The following DENND4A variants were observed in gnomAD, a reference collection of about 807,000 sequenced individuals.
DENND4A encodes the protein C-myc promoter-binding protein.
Under a neutral mutation model 199.3 loss-of-function variants are expected in DENND4A, and 70 were observed. The ratio of observed to expected loss-of-function variants is 0.35; its 90% confidence interval spans 0.29 to 0.43. The LOEUF is 0.43. DENND4A is among the 20% of genes least tolerant of loss of function. The probability of loss-of-function intolerance (pLI) is 1.00; values close to 1 mark genes in which losing one functional copy is unlikely to be tolerated. For missense variants in DENND4A, 1,723 were observed against 2,255.8 expected, an observed-to-expected ratio of 0.76 and a Z score of 4.78; for synonymous variants, 686 against 766.9, an observed-to-expected ratio of 0.89 and a Z score of 1.74.
intron 2 of DENND4A, among the ~76,000 whole-genome samples, chr15:65,759,217 G>A (rs540907125): frequency 1.6e-4 from 25 of 152,188 alleles, no homozygotes; most frequent in African/African-American, 6.0e-4. Context: ...GGTGGCTCAC[G>A]CCTGTAATCC....
intron 12 of DENND4A, among the ~76,000 whole-genome samples, chr15:65,719,089 G>A (rs1056643919): frequency 1.3e-5 from 2 of 150,188 alleles, no homozygotes; most frequent in African/African-American, 2.4e-5. Context: ...CACTTTGCAT[G>A]TTATGTGCAC....
At chr15:65,719,195 T>C (rs2075523120) in intron 12 of DENND4A, 1 of 152,282 alleles carries the variant, frequency 6.6e-6, no homozygotes, top group South Asian at 2.1e-4. Context: ...GCAGTGACAT[T>C]CCCTCTTGTA....
intron 27 of DENND4A, 25 bp downstream of exon 27, chr15:65,669,754 T>G (rs1360178849): frequency 1.3e-6 from 2 of 1,570,672 alleles, no homozygotes; most frequent in Non-Finnish European, 1.7e-6. Flanking sequence ...GTTGTTAAAA[T>G]ATAGTTCCAC....
At chr15:65,699,343 T>C (rs2077266614) in intron 20 of DENND4A, among the ~76,000 whole-genome samples, 1 of 152,080 alleles carries the variant, frequency 6.6e-6, no homozygotes, top group Non-Finnish European at 1.5e-5. Flanking sequence ...CTCTTATCTG[T>C]AGTCAAAAGT....
At position 65,691,157 on chromosome 15, in the gene DENND4A, T is replaced by A; in HGVS notation, c.3437A>T (p.Asp1146Val). Residue 1146 changes from aspartate (D) to valine (V), a missense_variant, in exon 23 of 33, where the codon GAT becomes GTT. Physicochemically the swap from Asp to Val is radical, Grantham distance 152. Around this residue, in one of 6 missense-constraint regions of DENND4A, gnomAD observed 650 missense variants for 738.1 expected, o/e 0.88. Transcript: ENST00000443035. ...ATAGTTAGAACCATCAAAAGGTGTA[T>A]CATCATCACTAGATTCCTTTTCTAG... Reference protein sequence around the residue: ...DSLEKESSDDDTPFDGSNYLA... With the variant: ...DSLEKESSDDVTPFDGSNYLA... 6.2e-7 allele frequency: 1 copy of A among 1,613,484 alleles called. No homozygotes were observed. Among genetic ancestry groups the A allele is most frequent in the Non-Finnish European group, 8.5e-7 (1 of 1,179,738 alleles).
chr15:65,791,449 C>G (rs564831891), intron 1 of DENND4A, among the ~76,000 whole-genome samples: 2 of 150,340 alleles, frequency 1.3e-5, no homozygotes, highest in South Asian at 2.2e-4. Context: ...CAGTTCCCTT[C>G]CCCCACCACA....
chr15:65,738,827 G>A lies in DENND4A; in HGVS notation c.680C>T (p.Pro227Leu). ...TAAACAAAATAGAGGAACAGATTCC[G>A]GTAGTGAGAATGACTCATAATCTTC... is the stretch of plus-strand genomic sequence containing the variant. ...PQEDYESFSL[P>L]ESVPLFCLPM... Residue 227 changes from proline (P) to leucine (L), a missense_variant, in exon 6 of 33, where the codon CCG becomes CTG. By Grantham distance (98) the Pro-to-Leu change is moderately conservative. Around this residue, in one of 6 missense-constraint regions of DENND4A, gnomAD observed 725 missense variants for 952.9 expected, o/e 0.76. Coordinates refer to ENST00000443035, the MANE Select transcript of DENND4A (RefSeq NM_001320835.1). 2.5e-6 allele frequency: 4 copies of A among 1,609,694 alleles called. No homozygotes were observed. Among genetic ancestry groups the A allele is most frequent in the South Asian group, 1.1e-5 (1 of 90,212 alleles).
intron 1 of DENND4A, chr15:65,771,947 C>A: frequency 6.3e-7 from 1 of 1,591,242 alleles, no homozygotes; most frequent in Non-Finnish European, 8.6e-7. Flanking sequence ...TTTTTCAAAT[C>A]TTCATCACCA....
At chr15:65,756,615 G>A in intron 2 of DENND4A, 143 bp from the exon 3 acceptor site, 1 of 511,922 alleles carries the variant, frequency 2.0e-6, no homozygotes, top group Non-Finnish European at 3.3e-6. Context: ...TAACTTACAT[G>A]TAAAAAGAAT....
chr15:65,773,667 GA>G (rs1471607701), intron 1 of DENND4A, among the ~76,000 whole-genome samples: 3 of 152,144 alleles, frequency 2.0e-5, no homozygotes, highest in Admixed American at 6.5e-5. Flanking sequence ...AAGTTAGAGG[GA>G]AACATATTTG....
rs781409703 is a variant in DENND4A, at chr15:65,662,001, TAAAG to T, written c.5588-18_5588-15del. The T allele has an allele frequency of 6.3e-7, 1 of 1,595,464 alleles. No homozygotes were observed. The highest frequency in any genetic ancestry group is 8.5e-7 in the Non-Finnish European group (1 of 1,172,180). Reference sequence around the variant, plus strand: ...TATCAAAAGCATCTGCAGAAATTGATAAAGAAATAAAAGAATAAAGAAATTTAGG... The same window carrying T: ...TATCAAAAGCATCTGCAGAAATTGATAAATAAAAGAATAAAGAAATTTAGG... On this transcript the variant is annotated splice_polypyrimidine_tract_variant and intron_variant, in intron 32 of 32. Transcript: ENST00000443035.
chr15:65,674,769 T>C (rs2076323587), intron 24 of DENND4A, among the ~76,000 whole-genome samples: 1 of 151,814 alleles, frequency 6.6e-6, no homozygotes, highest in African/African-American at 2.4e-5. Flanking sequence ...TATGTTACAC[T>C]TAAATAGTTT....
chr15:65,660,252 T>A lies in DENND4A; in HGVS notation c.*1599A>T, dbSNP rs1351359160. ...CCCCAAACTAACTGAAGTTTTACATTTTTAAACTCTCTCCATTATTTCCCA... is the reference window on the plus strand; with the variant it reads ...CCCCAAACTAACTGAAGTTTTACATATTTAAACTCTCTCCATTATTTCCCA... On this transcript the variant is annotated 3_prime_UTR_variant, in exon 33 of 33. Coordinates refer to ENST00000443035, the MANE Select transcript of DENND4A (RefSeq NM_001320835.1). The A allele has an allele frequency of 1.3e-6, 2 of 1,529,766 alleles. No individual in the cohort carries two copies. Among genetic ancestry groups the A allele is most frequent in the African/African-American group, 2.7e-5 (2 of 72,930 alleles). The allele number at this position is 1,529,766 out of a possible 1,614,324, so 94.8% of individuals were successfully genotyped here. A position where few individuals can be genotyped will look rare whatever the true frequency, so the allele number is the denominator to read the frequency against.
At chr15:65,668,874 C>T (rs969600827) in intron 27 of DENND4A, among the ~76,000 whole-genome samples, 3 of 151,302 alleles carry the variant, frequency 2.0e-5, no homozygotes, top group Admixed American at 6.6e-5. Context: ...AAAGGAAATG[C>T]TACTCAGGCT....
intron 12 of DENND4A, among the ~76,000 whole-genome samples, chr15:65,718,761 T>C (rs1596514737): frequency 1.1e-4 from 6 of 52,336 alleles, no homozygotes; most frequent in African/African-American, 5.2e-4. Flanking sequence ...TTTTTTTTCC[T>C]TTTTTTTTTT....
At chr15:65,740,387 A>C (rs2076227042) in intron 5 of DENND4A, among the ~76,000 whole-genome samples, 1 of 151,446 alleles carries the variant, frequency 6.6e-6, no homozygotes, top group Non-Finnish European at 1.5e-5. Flanking sequence ...AAGTGGAAGG[A>C]TCACTTGAGC....
chr15:65,741,665 G>A, intron 5 of DENND4A, 50 bp downstream of exon 5: 2 of 1,502,048 alleles, frequency 1.3e-6, no homozygotes, highest in Non-Finnish European at 9.2e-7. Flanking sequence ...ACCTTTCCGG[G>A]CCCTATAATA....
intron 23 of DENND4A, 129 bp from the exon 24 acceptor site, chr15:65,676,763 T>C: frequency 1.4e-6 from 1 of 697,622 alleles, no homozygotes; most frequent in Non-Finnish European, 2.2e-6. Context: ...TATTACAACA[T>C]CTAGAGAAAA....
Position 65,729,539 on chromosome 15 carries a change from C to T in DENND4A, c.1306G>A (p.Val436Met), listed in dbSNP as rs200107472. The T allele has an allele frequency of 3.7e-6, 6 of 1,608,190 alleles. No individual in the cohort carries two copies. Among genetic ancestry groups the T allele is most frequent in the Non-Finnish European group, 5.1e-6 (6 of 1,177,392 alleles). Residue 436 changes from valine to methionine, a missense_variant, in exon 10 of 33, where the codon GTG becomes ATG. This residue lies in a region of DENND4A where 725 missense variants were observed against 952.9 expected (regional missense o/e 0.76). Transcript: ENST00000443035. ...TAAGAAACTGTGATACTCACAGACACTAATGCTTCTGTCACACTAGTAAGC... is the reference window on the plus strand; with the variant it reads ...TAAGAAACTGTGATACTCACAGACATTAATGCTTCTGTCACACTAGTAAGC... ...SVLTSVTEALVSMIFPFHWPC... is the reference protein window; with the variant it reads ...SVLTSVTEALMSMIFPFHWPC...
Sources: allele counts gnomAD v4.1 joint callset (sites outside exome capture counted in the v4.1 genomes callset), GRCh38; gene constraint gnomAD v4.1.1; regional missense constraint gnomAD v4.1.1; transcripts MANE v1.5; gene names NCBI Gene and HGNC (gene_info 2026-07-23, HGNC 2026-07-21).